Variants in NRXN1 observed in about 807,000 individuals in gnomAD.
NRXN1 encodes neurexin-1.
Under a neutral mutation model 150.9 loss-of-function variants are expected in NRXN1, and 39 were observed. That is an observed-to-expected ratio of 0.26 (90% CI 0.20 to 0.34). NRXN1 has a LOEUF of 0.34. Ranked by LOEUF, NRXN1 falls within the 10% of genes least tolerant of loss-of-function variation. The pLI, the probability that NRXN1 is intolerant of heterozygous loss-of-function variation, is 1.00. For missense variants in NRXN1, 1,815 were observed against 1,949.9 expected (o/e 0.93, Z 1.30); for synonymous variants, 924 against 757.0 (o/e 1.22, Z -3.62).
intron 8 of NRXN1, among the ~76,000 whole-genome samples, chr2:50,613,522 G>C (rs1678528860): frequency 6.6e-6 from 1 of 152,204 alleles, no homozygotes; most frequent in Admixed American, 6.5e-5. Flanking sequence ...CAGTCCACTG[G>C]TCAAAAATTG....
At chr2:50,823,119 T>C (rs1189953942) in intron 5 of NRXN1, among the ~76,000 whole-genome samples, 2 of 152,198 alleles carry the variant, frequency 1.3e-5, no homozygotes, top group Non-Finnish European at 2.9e-5. Context: ...TCATTTTAAT[T>C]ATTTGCATAT....
At chr2:50,433,067 C>G (rs550444902) in intron 17 of NRXN1, among the ~76,000 whole-genome samples, 2 of 152,210 alleles carry the variant, frequency 1.3e-5, no homozygotes, top group African/African-American at 4.8e-5. Context: ...AAGGAAACAC[C>G]CTTCATTGCC....
chr2:50,815,146 T>G (rs1668748574), intron 5 of NRXN1, among the ~76,000 whole-genome samples: 1 of 152,108 alleles, frequency 6.6e-6, no homozygotes, highest in African/African-American at 2.4e-5. Flanking sequence ...CTATTCCTAC[T>G]TCATCTTTAT....
chr2:50,691,710 T>C (rs1481231879), intron 5 of NRXN1, among the ~76,000 whole-genome samples: 3 of 152,178 alleles, frequency 2.0e-5, no homozygotes, highest in Non-Finnish European at 4.4e-5. Flanking sequence ...TTTAGGACTC[T>C]TGCCCTCGCC....
chr2:50,886,520 T>G (rs1433463285), intron 5 of NRXN1, among the ~76,000 whole-genome samples: 1 of 151,454 alleles, frequency 6.6e-6, no homozygotes, highest in Non-Finnish European at 1.5e-5. Context: ...GACAATCTCA[T>G]AAGATTTGAG....
At chr2:50,666,405 T>A (rs1688025558) in intron 5 of NRXN1, among the ~76,000 whole-genome samples, 1 of 151,906 alleles carries the variant, frequency 6.6e-6, no homozygotes, top group Non-Finnish European at 1.5e-5. Context: ...TACTGGGGAG[T>A]ATAATGGCTA....
chr2:50,432,680 C>T (rs2085075461), intron 17 of NRXN1, among the ~76,000 whole-genome samples: 1 of 152,148 alleles, frequency 6.6e-6, no homozygotes, highest in African/African-American at 2.4e-5. Flanking sequence ...ACTTTCCTTT[C>T]ATGTCATTTT....
At chr2:50,664,666 T>C (rs1687775470) in intron 5 of NRXN1, among the ~76,000 whole-genome samples, 1 of 151,764 alleles carries the variant, frequency 6.6e-6, no homozygotes, top group African/African-American at 2.4e-5. Context: ...CTAGCTCATC[T>C]CATCCAGAAA....
At chr2:50,801,594 C>A (rs1473968137) in intron 5 of NRXN1, among the ~76,000 whole-genome samples, 1 of 151,984 alleles carries the variant, frequency 6.6e-6, no homozygotes, top group Admixed American at 6.6e-5. Flanking sequence ...CAAAAACAAA[C>A]CCAGATACTC....
intron 18 of NRXN1, among the ~76,000 whole-genome samples, chr2:50,224,491 A>C (rs946482567): frequency 2.6e-5 from 4 of 151,894 alleles, no homozygotes; most frequent in African/African-American, 9.7e-5. Context: ...GACTAAGCCA[A>C]ATAATAGGGT....
At chr2:49,949,428 A>G (rs1673532856) in intron 21 of NRXN1, among the ~76,000 whole-genome samples, 1 of 151,980 alleles carries the variant, frequency 6.6e-6, no homozygotes. Context: ...AGTATGTAAT[A>G]TTATATCCCT....
chr2:50,210,485 C>A (rs2062936430), intron 18 of NRXN1, among the ~76,000 whole-genome samples: 1 of 151,634 alleles, frequency 6.6e-6, no homozygotes. Context: ...AAATCAGGTA[C>A]AATTTTATAA....
rs527293791 is a variant in NRXN1 at position 50,459,646 on chromosome 2, T to C, written c.3364+5796A>G. On this transcript the variant is annotated intron_variant, in intron 17 of 22. Transcript: ENST00000401669. ...TATCCCACAAAAGACATTATCTCATTTCTTTTTATGTTTGCATGGTATTCT... is the reference window on the plus strand; with the variant it reads ...TATCCCACAAAAGACATTATCTCATCTCTTTTTATGTTTGCATGGTATTCT... 2.6e-5 allele frequency among the ~76,000 whole-genome samples: 4 copies of C among 152,272 alleles called. No homozygotes were observed. In the South Asian group the frequency reaches 8.3e-4, roughly 32 times the overall value.
chr2:50,235,737 GACAAA>G (rs2065352742), intron 18 of NRXN1, among the ~76,000 whole-genome samples: 1 of 151,958 alleles, frequency 6.6e-6, no homozygotes, highest in Admixed American at 6.6e-5. Flanking sequence ...TATAGGGAAA[GACAAA>G]ACAAAATAGA....
intron 5 of NRXN1, among the ~76,000 whole-genome samples, chr2:50,673,949 G>C (rs538301367): frequency 6.6e-6 from 1 of 152,144 alleles, no homozygotes; most frequent in South Asian, 2.1e-4. Flanking sequence ...CGCCTGTCAG[G>C]GGGTGGGGTG....
intron 5 of NRXN1, among the ~76,000 whole-genome samples, chr2:50,710,010 G>A (rs1694951203): frequency 1.3e-5 from 2 of 152,108 alleles, no homozygotes; most frequent in South Asian, 2.1e-4. Context: ...GAGATCTAGA[G>A]GTATCTGAAT....
chr2:50,214,055 T>C (rs1456816433), intron 18 of NRXN1, among the ~76,000 whole-genome samples: 1 of 152,042 alleles, frequency 6.6e-6, no homozygotes, highest in Non-Finnish European at 1.5e-5. Flanking sequence ...CTTAAATGTG[T>C]CCCTCAGTTT....
At chr2:50,765,778 A>G (rs1204695868) in intron 5 of NRXN1, among the ~76,000 whole-genome samples, 2 of 152,040 alleles carry the variant, frequency 1.3e-5, no homozygotes, top group East Asian at 1.9e-4. Flanking sequence ...AACAATAATA[A>G]AAACAGTGAG....
At chr2:50,599,986 A>C (rs948298687) in intron 8 of NRXN1, among the ~76,000 whole-genome samples, 1 of 152,170 alleles carries the variant, frequency 6.6e-6, no homozygotes, top group Admixed American at 6.6e-5. Flanking sequence ...TTGATTGCTT[A>C]TATTAGAAAT....
Sources: allele counts gnomAD v4.1 joint callset (sites outside exome capture counted in the v4.1 genomes callset), GRCh38; gene constraint gnomAD v4.1.1; transcripts MANE v1.5; gene names NCBI Gene and HGNC (gene_info 2026-07-23, HGNC 2026-07-21).